SGCD: variants seen among roughly 807,000 people sequenced by gnomAD.
SGCD encodes sarcoglycan delta, also known as delta-sarcoglycan.
In SGCD, 18 loss-of-function variants were observed where a neutral mutation model predicts 36.6. The ratio of observed to expected loss-of-function variants is 0.49; its 90% CI spans 0.34 to 0.73. The LOEUF (loss-of-function observed/expected upper bound fraction) is 0.73, where lower values mean the gene tolerates loss of function less well. SGCD is among the 30% of genes least tolerant of loss of function. The pLI is 0.01. For synonymous variants in SGCD, 133 were observed against 130.6 expected, an observed-to-expected ratio of 1.02 and a Z score of -0.12; for missense variants, 387 against 346.7, an observed-to-expected ratio of 1.12 and a Z score of -0.92.
At chr5:156,427,644 C>T (rs1453767177) in intron 3 of SGCD, among the ~76,000 whole-genome samples, 8 of 152,146 alleles carry the variant, frequency 5.3e-5, no homozygotes, top group South Asian at 2.1e-4. Context: ...TTCATCTTTT[C>T]GCCATGCAGT....
chr5:156,116,472 A>T (rs570951969), intron 1 of SGCD, among the ~76,000 whole-genome samples: 1 of 152,268 alleles, frequency 6.6e-6, no homozygotes, highest in Non-Finnish European at 1.5e-5. Context: ...GAAAATGTTT[A>T]TATGTTAGGA....
At chr5:156,431,331 A>G (rs1227528636) in intron 3 of SGCD, among the ~76,000 whole-genome samples, 1 of 152,124 alleles carries the variant, frequency 6.6e-6, no homozygotes, top group East Asian at 1.9e-4. Context: ...TATCTCGATT[A>G]TCTCCTCCTG....
chr5:156,239,464 A>C (rs929271866), intron 3 of SGCD, among the ~76,000 whole-genome samples: 1 of 151,936 alleles, frequency 6.6e-6, no homozygotes, highest in African/African-American at 2.4e-5. Flanking sequence ...AGTGCAAAGT[A>C]GTGGAGGAAA....
At chr5:156,243,663 T>C (rs1014081787) in intron 3 of SGCD, among the ~76,000 whole-genome samples, 1 of 152,212 alleles carries the variant, frequency 6.6e-6, no homozygotes, top group Non-Finnish European at 1.5e-5. Context: ...GATTTCTATA[T>C]TCCTGTCTTT....
intron 3 of SGCD, among the ~76,000 whole-genome samples, chr5:156,321,435 A>G (rs1400658481): frequency 6.6e-6 from 1 of 151,638 alleles, no homozygotes; most frequent in Non-Finnish European, 1.5e-5. Context: ...AAATAAACAA[A>G]TAAATAAATA....
intron 3 of SGCD, among the ~76,000 whole-genome samples, chr5:156,500,651 C>T (rs1219958757): frequency 1.3e-5 from 2 of 152,112 alleles, no homozygotes; most frequent in Non-Finnish European, 2.9e-5. Flanking sequence ...TCAAAAATTG[C>T]ACAATAGGTC....
intron 7 of SGCD, among the ~76,000 whole-genome samples, chr5:156,675,120 C>T (rs1753456951): frequency 6.6e-6 from 1 of 152,130 alleles, no homozygotes; most frequent in South Asian, 2.1e-4. Context: ...CAGATCCTGC[C>T]TTTGTCACCT....
At chr5:156,408,744 T>TC (rs1263890240) in intron 3 of SGCD, among the ~76,000 whole-genome samples, 18 of 152,222 alleles carry the variant, frequency 1.2e-4, no homozygotes, top group Admixed American at 1.1e-3. Context: ...TTAGTCATCC[T>TC]CTCTTTCTTT....
chr5:156,248,388 C>T (rs1487138308), intron 3 of SGCD, among the ~76,000 whole-genome samples: 3 of 152,102 alleles, frequency 2.0e-5, no homozygotes, highest in Admixed American at 2.0e-4. Flanking sequence ...GGCGTGGTAG[C>T]ATGTGCCTGT....
intron 1 of SGCD, among the ~76,000 whole-genome samples, chr5:156,103,822 C>G (rs1442644909): frequency 7.9e-5 from 12 of 152,034 alleles, no homozygotes; most frequent in African/African-American, 2.7e-4. Flanking sequence ...GTTTTACTTC[C>G]CAATAGACTT....
At chr5:156,553,344 A>T (rs1449022483) in intron 4 of SGCD, among the ~76,000 whole-genome samples, 1 of 152,160 alleles carries the variant, frequency 6.6e-6, no homozygotes, top group Non-Finnish European at 1.5e-5. Flanking sequence ...TTTCTTCTTT[A>T]AGATGCTCTC....
chr5:155,761,602 C>T, the SGCD span, among the ~76,000 whole-genome samples: 20 of 142,402 alleles, frequency 1.4e-4, no homozygotes, highest in Non-Finnish European at 2.1e-4. Flanking sequence ...ATCTCCATCA[C>T]CCTCTCCATC....
chr5:155,744,264 A>G, the SGCD span, among the ~76,000 whole-genome samples: 3 of 152,096 alleles, frequency 2.0e-5, no homozygotes, highest in African/African-American at 7.2e-5. Flanking sequence ...GCTTGAGACC[A>G]TCCTGGCTAA....
At chr5:156,582,348 CT>C in intron 4 of SGCD, among the ~76,000 whole-genome samples, 1 of 152,078 alleles carries the variant, frequency 6.6e-6, no homozygotes, top group East Asian at 1.9e-4. Context: ...GATCTAGTAC[CT>C]TTTGTACTGC....
intron 3 of SGCD, among the ~76,000 whole-genome samples, chr5:156,506,075 G>A (rs543403832): frequency 6.6e-6 from 1 of 152,198 alleles, no homozygotes; most frequent in Non-Finnish European, 1.5e-5. Context: ...TATTTTCCTA[G>A]TAGGATATAC....
At chr5:155,888,081 G>A (rs1047023710) in intron 1 of SGCD, among the ~76,000 whole-genome samples, 3 of 152,196 alleles carry the variant, frequency 2.0e-5, no homozygotes, top group African/African-American at 7.2e-5. Flanking sequence ...ATGAGATTCT[G>A]CAACCAAATT....
At chr5:155,918,867 T>C (rs1756811843) in intron 1 of SGCD, among the ~76,000 whole-genome samples, 1 of 152,226 alleles carries the variant, frequency 6.6e-6, no homozygotes, top group African/African-American at 2.4e-5. Context: ...ATATGTCAGC[T>C]TCATAAAGAA....
At chr5:156,269,197 C>T (rs975322812) in intron 3 of SGCD, among the ~76,000 whole-genome samples, 14 of 151,884 alleles carry the variant, frequency 9.2e-5, no homozygotes, top group African/African-American at 2.9e-4. Context: ...ACTGGGCGCA[C>T]GGTGGCTCAC....
chr5:155,864,194 T>A, the SGCD span, among the ~76,000 whole-genome samples: 1 of 152,130 alleles, frequency 6.6e-6, no homozygotes. Flanking sequence ...GAGAATAGCA[T>A]GGAAAATCAG....
Sources: allele counts gnomAD v4.1 joint callset (sites outside exome capture counted in the v4.1 genomes callset), GRCh38; gene constraint gnomAD v4.1.1; transcripts MANE v1.5; gene names NCBI Gene and HGNC (gene_info 2026-07-23, HGNC 2026-07-21).